The following DST variants were observed in gnomAD, a reference collection of about 807,000 sequenced individuals.
DST encodes the protein dystonin.
A neutral mutation model predicts 875.2 loss-of-function variants in DST; 253 were observed. The ratio of observed to expected loss-of-function variants is 0.29; its 90% CI spans 0.26 to 0.32. The LOEUF (loss-of-function observed/expected upper bound fraction) is 0.32. Among genes scored for constraint, DST ranks in the 10% least tolerant of loss-of-function variants. DST has a pLI of 1.00. For synonymous variants in DST, 3,124 were observed against 3,197.1 expected, an observed-to-expected ratio of 0.98 and a Z score of 0.77; for missense variants, 8,287 against 9,111.6, an observed-to-expected ratio of 0.91 and a Z score of 3.68.
At chr6:56,866,235 TGATCC>T (rs1774025401) in intron 3 of DST, among the ~76,000 whole-genome samples, 1 of 151,976 alleles carries the variant, frequency 6.6e-6, no homozygotes, top group African/African-American at 2.4e-5. Flanking sequence ...TGACTGCAGA[TGATCC>T]ACCCACTGGG....
intron 3 of DST, among the ~76,000 whole-genome samples, chr6:56,896,428 C>T (rs1272250503): frequency 6.6e-6 from 1 of 152,126 alleles, no homozygotes; most frequent in Admixed American, 6.6e-5. Flanking sequence ...TAAGAAGTGC[C>T]TTTCACCTCC....
chr6:56,840,792 C>G (rs929233149), intron 4 of DST, among the ~76,000 whole-genome samples: 24 of 152,300 alleles, frequency 1.6e-4, no homozygotes, highest in African/African-American at 5.8e-4. Flanking sequence ...ATCTAATGCT[C>G]ATAATTCCTA....
At chr6:56,839,722 G>A (rs533347969) in intron 4 of DST, among the ~76,000 whole-genome samples, 3 of 152,074 alleles carry the variant, frequency 2.0e-5, no homozygotes, top group East Asian at 1.9e-4. Context: ...CAATAAACCC[G>A]AACTGAAAAT....
At chr6:56,487,404 T>G (rs1169065071) in intron 86 of DST, 131 bp from the exon 87 acceptor site, 1 of 825,836 alleles carries the variant, frequency 1.2e-6, no homozygotes, top group African/African-American at 1.7e-5. Flanking sequence ...TGACTTGACT[T>G]AGGATTTTTT....
chr6:56,669,119 G>A (rs1283737942), intron 10 of DST, among the ~76,000 whole-genome samples: 3 of 151,880 alleles, frequency 2.0e-5, no homozygotes, highest in Non-Finnish European at 4.4e-5. Flanking sequence ...TTAAGAGAAC[G>A]AGAAAGTAAT....
intron 74 of DST, among the ~76,000 whole-genome samples, chr6:56,509,395 T>C (rs1348488335): frequency 6.6e-6 from 1 of 152,164 alleles, no homozygotes; most frequent in Non-Finnish European, 1.5e-5. Context: ...ATACACATGG[T>C]CTTTGAACAT....
intron 61 of DST, among the ~76,000 whole-genome samples, chr6:56,544,825 T>C (rs1462199429): frequency 6.6e-6 from 1 of 152,218 alleles, no homozygotes; most frequent in Non-Finnish European, 1.5e-5. Context: ...TCTTTGTTAC[T>C]TGAAATCACA....
In DST at chr6:56,632,883, T is replaced by A; in HGVS notation, c.3776A>T (p.Tyr1259Phe). 6.2e-7 allele frequency: 1 copy of A among 1,613,970 alleles called. No homozygotes were observed. Among genetic ancestry groups the A allele is most frequent in the Non-Finnish European group, 8.5e-7 (1 of 1,179,952 alleles). The change falls in exon 28 of 104, where the codon TAT (tyrosine) becomes TTT (phenylalanine). Residue 1259 changes from tyrosine (Y) to phenylalanine (F), a missense_variant. This residue lies in a region of DST where 3,138 missense variants were observed against 3,116.6 expected (regional missense o/e 1.01). Coordinates refer to ENST00000680361, the MANE Select transcript of DST (RefSeq NM_001374736.1). ...TTCTGCAGATTTAAGAAGTTCTTGA[T>A]AATACTGCTTACATACATTAACCTC... is the stretch of plus-strand genomic sequence containing the variant. ...EKEVNVCKQYYQELLKSAERE... is the reference protein window; with the variant it reads ...EKEVNVCKQYFQELLKSAERE...
At chr6:56,653,012 G>A (rs562088665) in intron 10 of DST, among the ~76,000 whole-genome samples, 9 of 152,246 alleles carry the variant, frequency 5.9e-5, no homozygotes, top group Middle Eastern at 3.4e-3. Context: ...TTTTGTTTCC[G>A]TAAAATTTGC....
chr6:56,954,766 C>G lies in DST; in HGVS notation c.-179G>C, dbSNP rs557026817. 1.9e-3 allele frequency: 357 copies of G among 190,608 alleles called. 2 individuals carry two copies. The highest frequency in any genetic ancestry group is 8.3e-3 in the South Asian group (46 of 5,534). The allele number at this position is 190,608 out of a possible 1,614,324, so 11.8% of individuals were successfully genotyped here. A position where few individuals can be genotyped will look rare whatever the true frequency, so the allele number is the denominator to read the frequency against. ...CGCACCCCGCGCCAGCCGCGCTACG[C>G]GAGTGATCCAGGGCTGCGGGGAGCG... On this transcript the variant is annotated 5_prime_UTR_variant, in exon 1 of 104. Transcript: ENST00000680361.
intron 36 of DST, among the ~76,000 whole-genome samples, chr6:56,622,654 G>A (rs934047023): frequency 2.7e-5 from 4 of 149,186 alleles, no homozygotes; most frequent in African/African-American, 9.9e-5. Flanking sequence ...AAATAATTTA[G>A]TCCAATTGCT....
At chr6:56,692,598 G>C (rs2099238183) in intron 9 of DST, 3 of 1,289,646 alleles carry the variant, frequency 2.3e-6, no homozygotes, top group Non-Finnish European at 3.0e-6. Flanking sequence ...TAGAGCTTAA[G>C]CTGGCTGCCT....
rs780648195 is a variant in DST, at chr6:56,594,235, G to A, written c.12196-42C>T. On this transcript the variant is annotated intron_variant, in intron 47 of 103. Coordinates refer to ENST00000680361, the MANE Select transcript of DST (RefSeq NM_001374736.1). ...TGATCATAATCTTCAAGCAGTAACG[G>A]GGTAACACCTGCAGGGAGCTCCTTG... 1.2e-5 allele frequency: 18 copies of A among 1,476,616 alleles called. No homozygotes were observed. The South Asian group carries it at 2.6e-4, about 21-fold the overall frequency. 91.5% of individuals were successfully genotyped at this position (1,476,616 alleles called of 1,614,324 possible).
chr6:56,719,786 A>G (rs1299886372), intron 5 of DST, among the ~76,000 whole-genome samples: 4 of 152,212 alleles, frequency 2.6e-5, no homozygotes, highest in African/African-American at 9.6e-5. Context: ...GGTAGGTTCC[A>G]TGATGCCCCA....
intron 55 of DST, among the ~76,000 whole-genome samples, chr6:56,562,763 G>A (rs1268834041): frequency 1.5e-5 from 2 of 136,648 alleles, no homozygotes; most frequent in East Asian, 2.3e-4. Context: ...GACAGGCCCC[G>A]GTGTGTAATG....
At chr6:56,482,379 T>G (rs182963468) in intron 89 of DST, 2 of 656,870 alleles carry the variant, frequency 3.0e-6, no homozygotes, top group East Asian at 6.4e-5. Context: ...AAAAAGCCTA[T>G]ATGAAGAAAA....
chr6:56,621,623 ACTCTACTAG>A (rs1212134701), intron 36 of DST, among the ~76,000 whole-genome samples: 1 of 152,194 alleles, frequency 6.6e-6, no homozygotes, highest in African/African-American at 2.4e-5. Context: ...AAAAATTTTT[ACTCTACTAG>A]GGACAGAATC....
At chr6:56,843,324 G>A (rs1015090454) in intron 4 of DST, 1 of 1,222,150 alleles carries the variant, frequency 8.2e-7, no homozygotes, top group African/African-American at 1.6e-5. Flanking sequence ...GCCGGCGCCA[G>A]GGCCGGCAAA....
intron 5 of DST, among the ~76,000 whole-genome samples, chr6:56,723,750 A>G (rs1461692721): frequency 6.6e-6 from 1 of 152,230 alleles, no homozygotes; most frequent in East Asian, 1.9e-4. Context: ...CTTTGACAAA[A>G]GATTCCAAGA....
Sources: allele counts gnomAD v4.1 joint callset (sites outside exome capture counted in the v4.1 genomes callset), GRCh38; gene constraint gnomAD v4.1.1; regional missense constraint gnomAD v4.1.1; transcripts MANE v1.5; gene names NCBI Gene and HGNC (gene_info 2026-07-23, HGNC 2026-07-21).